The following OBSL1 variants were observed in gnomAD, a reference collection of about 807,000 sequenced individuals.
OBSL1 encodes the protein obscurin like cytoskeletal adaptor 1.
OBSL1 carries 160 observed loss-of-function variants against 172.0 expected under a neutral mutation model. The ratio of observed to expected loss-of-function variants is 0.93; its 90% CI spans 0.82 to 1.06. The LOEUF (loss-of-function observed/expected upper bound fraction) is 1.06. Among genes scored for constraint, OBSL1 ranks in the 50% least tolerant of loss-of-function variants. The pLI is 0.00. For synonymous variants in OBSL1, 1,200 were observed against 1,196.3 expected (o/e 1.00, Z -0.06); for missense variants, 2,681 against 2,715.4 (o/e 0.99, Z 0.28).
Position 219,557,627 on chromosome 2 carries a change from T to C in OBSL1, c.3791-9A>G. On this transcript the variant is annotated splice_polypyrimidine_tract_variant and intron_variant, in intron 11 of 20. Transcript: ENST00000404537. Reference sequence around the variant, plus strand: ...CACCCGCACAGGGGGCTCTGTGGAGTCAGAGCTGGAGGTCACTGGGAGGGA... The same window carrying C: ...CACCCGCACAGGGGGCTCTGTGGAGCCAGAGCTGGAGGTCACTGGGAGGGA... 1.3e-6 allele frequency: 2 copies of C among 1,529,162 alleles called. No individual in the cohort carries two copies. The highest frequency in any genetic ancestry group is 2.1e-5 in the Admixed American group (1 of 48,776). 94.7% of individuals were successfully genotyped at this position (1,529,162 alleles called of 1,614,324 possible). A position where few individuals can be genotyped will look rare whatever the true frequency, so the allele number is the denominator to read the frequency against.
chr2:219,556,216 C>T lies in OBSL1; in HGVS notation c.4413G>A (p.Glu1471=). ...CCCCCGCTGCACCCACTCGGCCTGTCTCCACTTCGAGACACACATCCTGGC... is the reference window on the plus strand; with the variant it reads ...CCCCCGCTGCACCCACTCGGCCTGTTTCCACTTCGAGACACACATCCTGGC... ...EEGQDVCLEV[E]TGRVGAAGAV... is the part of the protein sequence containing the mutation. Residue 1471 remains glutamate (E), a synonymous_variant, in exon 14 of 21, where the codon GAG becomes GAA. Coordinates refer to ENST00000404537, the MANE Select transcript of OBSL1 (RefSeq NM_015311.3). 6.2e-7 allele frequency: 1 copy of T among 1,610,304 alleles called. No homozygotes were observed.
chr2:219,565,569 G>T, intron 5 of OBSL1, 55 bp from the exon 6 acceptor site: 2 of 1,550,820 alleles, frequency 1.3e-6, no homozygotes, highest in Non-Finnish European at 1.8e-6. Flanking sequence ...TGGGCTCAGT[G>T]TCGGATGCAT....
chr2:219,567,743 A>G lies in OBSL1; in HGVS notation c.1509T>C (p.Arg503=). 6.2e-7 allele frequency: 1 copy of G among 1,613,090 alleles called. No individual in the cohort carries two copies. Among genetic ancestry groups the G allele is most frequent in the Non-Finnish European group, 8.5e-7 (1 of 1,179,176 alleles). Residue 503 remains arginine (R), a synonymous_variant, in exon 3 of 21, where the codon CGT becomes CGC. Coordinates refer to ENST00000404537, the MANE Select transcript of OBSL1 (RefSeq NM_015311.3). The part of the protein sequence containing the change: ...GEVTFSLGNS[R]TTTLLRVKCV... ...ATTTTACTCTGAGAAGCGTAGTGGT[A>G]CGGGAGTTGCCCAGGCTAAAGGTGA...
rs767590428 is a variant in OBSL1, at chr2:219,557,461, C to G, written c.3948G>C (p.Gln1316His). 3.2e-6 allele frequency: 5 copies of G among 1,548,504 alleles called. No homozygotes were observed. Among genetic ancestry groups the G allele is most frequent in the African/African-American group, 1.4e-5 (1 of 73,074 alleles). The change falls in exon 12 of 21, where the codon CAG becomes CAC. Residue 1316 changes from glutamine (Q) to histidine (H), a missense_variant. Gln to His is a conservative substitution (Grantham distance 24). Coordinates refer to ENST00000404537, the MANE Select transcript of OBSL1 (RefSeq NM_015311.3). ...CCTGCCTGGCCCCGGCCTGCTCCAGCTGCACCCGCCCCTGGCTTGCCAGTC... is the reference window on the plus strand; with the variant it reads ...CCTGCCTGGCCCCGGCCTGCTCCAGGTGCACCCGCCCCTGGCTTGCCAGTC... ...GERLASQGRV[Q>H]LEQAGARQVL...
At position 219,558,279 on chromosome 2, in the gene OBSL1, C is replaced by A; in HGVS notation, c.3407G>T (p.Arg1136Leu). The A allele has an allele frequency of 6.2e-7, 1 of 1,611,168 alleles. No individual in the cohort carries two copies. Among genetic ancestry groups the A allele is most frequent in the Non-Finnish European group, 8.5e-7 (1 of 1,178,912 alleles). The change falls in exon 10 of 21, where the codon CGC becomes CTC. Residue 1136 changes from arginine (R) to leucine (L), a missense_variant. Around this residue, in one of 5 missense-constraint regions of OBSL1, gnomAD observed 1,765 missense variants for 1,748.3 expected, o/e 1.01. Transcript: ENST00000404537. ...ALQLGAEGPT[R>L]TLTLPHAQPE... Reference sequence around the variant, plus strand: ...CTGGGCGTGGGGCAGGGTCAGGGTGCGGGTGGGCCCCTCGGCACCCAGCTG... The same window carrying A: ...CTGGGCGTGGGGCAGGGTCAGGGTGAGGGTGGGCCCCTCGGCACCCAGCTG...
chr2:219,561,753 CAG>C (rs951222527), intron 8 of OBSL1: 5 of 663,728 alleles, frequency 7.5e-6, no homozygotes, highest in Admixed American at 4.5e-5. Flanking sequence ...TGGTTTAACA[CAG>C]GGGTCGCAAA....
At chr2:219,550,909 G>C in intron 20 of OBSL1, 67 bp from the exon 21 acceptor site, 1 of 1,583,040 alleles carries the variant, frequency 6.3e-7, no homozygotes, top group Non-Finnish European at 8.6e-7. Flanking sequence ...TCCCCTGGCA[G>C]AGCCTGGACA....
chr2:219,570,837 C>T lies in OBSL1; in HGVS notation c.396G>A (p.Thr132=). ...GCAGCACCCACTGGGATCGAGGCCC[C>T]GTGAGGAAGACCGGGGCGCCCTCCC... ...GSGEGAPVFL[T]GPRSQWVLRG... The change falls in exon 1 of 21, where the codon ACG becomes ACA. Residue 132 remains threonine, a synonymous_variant. Coordinates refer to ENST00000404537, the MANE Select transcript of OBSL1 (RefSeq NM_015311.3). 16 of 1,454,730 alleles carry T rather than the reference C, an allele frequency of 1.1e-5. No homozygotes were observed. Among genetic ancestry groups the T allele is most frequent in the Non-Finnish European group, 1.4e-5 (16 of 1,106,858 alleles). 90.1% of individuals were successfully genotyped at this position (1,454,730 alleles called of 1,614,324 possible). A position where few individuals can be genotyped will look rare whatever the true frequency, so the allele number is the denominator to read the frequency against.
Position 219,565,373 on chromosome 2 carries a change from C to T in OBSL1, c.2276G>A (p.Ser759Asn), listed in dbSNP as rs753413942. The change falls in exon 6 of 21, where the codon AGC becomes AAC. Residue 759 changes from serine to asparagine, a missense_variant. By Grantham distance (46) the Ser-to-Asn change is conservative. Coordinates refer to ENST00000404537, the MANE Select transcript of OBSL1 (RefSeq NM_015311.3). ...ATCCATCTTCACCACCAGCAACTCGCTCTCCTCCACCTTCTGCCCATCCTT... is the reference window on the plus strand; with the variant it reads ...ATCCATCTTCACCACCAGCAACTCGTTCTCCTCCACCTTCTGCCCATCCTT... ...WYKDGQKVEE[S>N]ELLVVKMDGR... 1.2e-6 allele frequency: 2 copies of T among 1,614,058 alleles called. No homozygotes were observed. The highest frequency in any genetic ancestry group is 2.2e-5 in the South Asian group (2 of 91,088).
intron 16 of OBSL1, 87 bp downstream of exon 16, chr2:219,553,487 G>T: frequency 1.0e-6 from 1 of 969,460 alleles, no homozygotes; most frequent in Non-Finnish European, 1.6e-6. Context: ...AGGCACATCC[G>T]CTCAAGGAAT....
intron 3 of OBSL1, 21 bp downstream of exon 3, chr2:219,567,697 C>CAG: frequency 6.2e-7 from 1 of 1,602,146 alleles, no homozygotes; most frequent in Non-Finnish European, 8.5e-7. Flanking sequence ...CTCGCCTGTC[C>CAG]AGAGGCCTTC....
In OBSL1 at chr2:219,558,014, G is replaced by C. The variant is rs373804245; in HGVS notation, c.3599C>G (p.Ala1200Gly). The C allele has an allele frequency of 1.1e-5, 17 of 1,612,806 alleles. No individual in the cohort carries two copies. In the East Asian group the frequency reaches 3.8e-4, roughly 36 times the overall value. Residue 1200 changes from alanine to glycine, a missense_variant, in exon 11 of 21, where the codon GCT (alanine) becomes GGT (glycine). This residue lies in a region of OBSL1 where 1,765 missense variants were observed against 1,748.3 expected (regional missense o/e 1.01). Coordinates refer to ENST00000404537, the MANE Select transcript of OBSL1 (RefSeq NM_015311.3). ...PVVLSCELSR[A>G]GAPVVWSHNG... ...GTGGCTCCAGACCACGGGGGCGCCA[G>C]CCCGGGACAGTTCACAGCTCAGCAC...
chr2:219,570,722 C>A lies in OBSL1; in HGVS notation c.511G>T (p.Val171Leu). 1.3e-6 allele frequency: 2 copies of A among 1,511,472 alleles called. No individual in the cohort carries two copies. The highest frequency in any genetic ancestry group is 2.7e-5 in the East Asian group (1 of 37,416). 93.6% of individuals were successfully genotyped at this position (1,511,472 alleles called of 1,614,324 possible). ...WEKDGMALDEVWDSSHFALQP... is the reference protein window; with the variant it reads ...WEKDGMALDELWDSSHFALQP... The stretch of plus-strand genomic sequence containing the variant: ...AGCGCGAAGTGGCTGCTGTCCCACA[C>A]TTCGTCCAGGGCCATCCCGTCCTTC... The change falls in exon 1 of 21, where the codon GTG becomes TTG. Residue 171 changes from valine to leucine, a missense_variant. Transcript: ENST00000404537.
Position 219,562,682 on chromosome 2 carries a change from A to G in OBSL1, c.2681-8T>C, listed in dbSNP as rs1696571094. ...CGATCCACGAGGAGACGTCTGGAGGACAGGGACAGCCACTGCCGGGCATGA... is the reference window on the plus strand; with the variant it reads ...CGATCCACGAGGAGACGTCTGGAGGGCAGGGACAGCCACTGCCGGGCATGA... On this transcript the variant is annotated splice_polypyrimidine_tract_variant and splice_region_variant and intron_variant, in intron 7 of 20. Transcript: ENST00000404537. 6.5e-7 allele frequency: 1 copy of G among 1,537,784 alleles called. No homozygotes were observed. The highest frequency in any genetic ancestry group is 8.8e-7 in the Non-Finnish European group (1 of 1,140,856).
At chr2:219,553,367 T>C (rs1388317996) in intron 16 of OBSL1, among the ~76,000 whole-genome samples, 1 of 152,180 alleles carries the variant, frequency 6.6e-6, no homozygotes, top group African/African-American at 2.4e-5. Flanking sequence ...GTAGGTAATT[T>C]TTCCCACTGA....
downstream of OBSL1, chr2:219,549,364 C>T: frequency 1.2e-6 from 2 of 1,606,380 alleles, no homozygotes; most frequent in Non-Finnish European, 1.7e-6. Flanking sequence ...GGTGAGCTCC[C>T]TGAGCCCATC....
At position 219,571,459 on chromosome 2, in the gene OBSL1, T is replaced by C; in HGVS notation, c.-227A>G. On this transcript the variant is annotated 5_prime_UTR_variant, in exon 1 of 21. Coordinates refer to ENST00000404537, the MANE Select transcript of OBSL1 (RefSeq NM_015311.3). Reference sequence around the variant, plus strand: ...GATTCCCGGGCCCGAAGCCTGGCGCTCAGGGGGCAGTCCTTCCTGTTTGCC... The same window carrying C: ...GATTCCCGGGCCCGAAGCCTGGCGCCCAGGGGGCAGTCCTTCCTGTTTGCC... 1 of 305,552 alleles carries C rather than the reference T, an allele frequency of 3.3e-6. No individual in the cohort carries two copies. The highest frequency in any genetic ancestry group is 1.5e-4 in the South Asian group (1 of 6,820). 18.9% of individuals were successfully genotyped at this position (305,552 alleles called of 1,614,324 possible). A position where few individuals can be genotyped will look rare whatever the true frequency, so the allele number is the denominator to read the frequency against.
chr2:219,559,169 C>G, intron 9 of OBSL1, 56 bp downstream of exon 9: 2 of 1,522,434 alleles, frequency 1.3e-6, no homozygotes, highest in Non-Finnish European at 8.9e-7. Flanking sequence ...AGGTGGGTGT[C>G]TGTCCCTTAG....
At chr2:219,549,705 G>GC, downstream of OBSL1, 1 of 1,612,640 alleles carries the variant, frequency 6.2e-7, no homozygotes, top group Non-Finnish European at 8.5e-7. Flanking sequence ...ACCTATGTTT[G>GC]CTCCCCCACA....
Sources: allele counts gnomAD v4.1 joint callset (sites outside exome capture counted in the v4.1 genomes callset), GRCh38; gene constraint gnomAD v4.1.1; regional missense constraint gnomAD v4.1.1; transcripts MANE v1.5; gene names NCBI Gene and HGNC (gene_info 2026-07-23, HGNC 2026-07-21).